L3MBTL4: variants seen among roughly 807,000 people sequenced by gnomAD.
L3MBTL4 encodes lethal(3)malignant brain tumor-like protein 4.
L3MBTL4 carries 70 observed loss-of-function variants against 84.5 expected under a neutral mutation model. That is an observed-to-expected ratio of 0.83 (90% CI 0.68 to 1.01). The LOEUF is 1.01. L3MBTL4 is among the 50% of genes least tolerant of loss of function. The pLI, the probability that L3MBTL4 is intolerant of heterozygous loss-of-function variation, is 0.00. For missense variants in L3MBTL4, 715 were observed against 754.8 expected, an observed-to-expected ratio of 0.95 and a Z score of 0.62; for synonymous variants, 274 against 259.8, an observed-to-expected ratio of 1.05 and a Z score of -0.52.
At chr18:6,337,281 C>T (rs2052386847) in intron 1 of L3MBTL4, among the ~76,000 whole-genome samples, 1 of 152,046 alleles carries the variant, frequency 6.6e-6, no homozygotes, top group African/African-American at 2.4e-5. Flanking sequence ...TAGACTCTCA[C>T]CAACATTCCT....
At chr18:6,210,294 A>T (rs1458154700) in intron 12 of L3MBTL4, among the ~76,000 whole-genome samples, 1 of 152,210 alleles carries the variant, frequency 6.6e-6, no homozygotes, top group Admixed American at 6.5e-5. Flanking sequence ...AGGACAGACA[A>T]TGTGGGCTTG....
chr18:6,382,531 C>T (rs1185378185), intron 1 of L3MBTL4, among the ~76,000 whole-genome samples: 1 of 152,052 alleles, frequency 6.6e-6, no homozygotes, highest in Non-Finnish European at 1.5e-5. Flanking sequence ...ACGTGCTATT[C>T]CTTTCTGTTT....
chr18:6,000,843 G>A (rs1011687719), intron 16 of L3MBTL4, among the ~76,000 whole-genome samples: 2 of 152,214 alleles, frequency 1.3e-5, no homozygotes, highest in Admixed American at 1.3e-4. Context: ...AAGGACAGGA[G>A]TGATGTTAGG....
intron 12 of L3MBTL4, among the ~76,000 whole-genome samples, chr18:6,177,933 T>C (rs1275375317): frequency 2.0e-5 from 3 of 152,148 alleles, no homozygotes; most frequent in Non-Finnish European, 4.4e-5. Context: ...AAGTCTGGGG[T>C]GCAATTTTTT....
rs549335270 is a variant in L3MBTL4 at position 6,042,596 on chromosome 18, G to T, written c.1444+38285C>A. On this transcript the variant is annotated intron_variant, in intron 16 of 18. Coordinates refer to ENST00000317931, the MANE Select transcript of L3MBTL4 (RefSeq NM_001330559.2). ...CCGTCCTACATGAGCCCTCAGCATTGTCCAGTACTGAGACCTCTTTTTCCT... is the reference window on the plus strand; with the variant it reads ...CCGTCCTACATGAGCCCTCAGCATTTTCCAGTACTGAGACCTCTTTTTCCT... 2.0e-4 allele frequency among the ~76,000 whole-genome samples: 31 copies of T among 152,208 alleles called. No individual in the cohort carries two copies. In the South Asian group the frequency reaches 6.0e-3, roughly 30 times the overall value.
intron 13 of L3MBTL4, among the ~76,000 whole-genome samples, chr18:6,168,904 G>A (rs1223021172): frequency 6.6e-6 from 1 of 151,842 alleles, no homozygotes; most frequent in Non-Finnish European, 1.5e-5. Context: ...CTACAGAATG[G>A]GAGAAAATTT....
chr18:6,141,820 C>A (rs59042476), intron 13 of L3MBTL4, among the ~76,000 whole-genome samples: 1 of 152,038 alleles, frequency 6.6e-6, no homozygotes, highest in African/African-American at 2.4e-5. Flanking sequence ...ATCACAGATA[C>A]AATCATATCA....
chr18:6,009,356 GA>G (rs933186022), intron 16 of L3MBTL4, among the ~76,000 whole-genome samples: 3 of 152,194 alleles, frequency 2.0e-5, no homozygotes, highest in African/African-American at 4.8e-5. Context: ...ACTGGGTGAA[GA>G]CCTGAGGGTC....
intron 1 of L3MBTL4, among the ~76,000 whole-genome samples, chr18:6,331,733 A>C (rs1183739431): frequency 6.6e-6 from 1 of 152,044 alleles, no homozygotes; most frequent in Non-Finnish European, 1.5e-5. Flanking sequence ...AAGTAAATAC[A>C]AAATCTGGAA....
intron 5 of L3MBTL4, chr18:6,260,818 T>TAA (rs2048366334): frequency 6.6e-6 from 1 of 152,226 alleles, no homozygotes; most frequent in South Asian, 2.1e-4. Context: ...AAAATGAACA[T>TAA]TAATAGTCAA....
chr18:6,071,592 C>A (rs780624078), intron 16 of L3MBTL4, among the ~76,000 whole-genome samples: 1 of 147,804 alleles, frequency 6.8e-6, no homozygotes, highest in Non-Finnish European at 1.5e-5. Context: ...GCCATAATCA[C>A]GCCACTGCTC....
At chr18:6,145,999 G>T (rs1047953233) in intron 13 of L3MBTL4, among the ~76,000 whole-genome samples, 4 of 152,246 alleles carry the variant, frequency 2.6e-5, no homozygotes, top group Non-Finnish European at 5.9e-5. Flanking sequence ...AGACGGGGAG[G>T]CAGAGAAGGA....
intron 12 of L3MBTL4, among the ~76,000 whole-genome samples, chr18:6,180,035 TA>T (rs1384655171): frequency 6.6e-6 from 1 of 152,146 alleles, no homozygotes; most frequent in East Asian, 1.9e-4. Context: ...CATAAGCCAG[TA>T]AATGGCAAAA....
intron 13 of L3MBTL4, among the ~76,000 whole-genome samples, chr18:6,169,039 A>C (rs1436619856): frequency 6.6e-6 from 1 of 152,226 alleles, no homozygotes; most frequent in Non-Finnish European, 1.5e-5. Flanking sequence ...GACACTTCTC[A>C]AAAGAAGACA....
At chr18:6,262,199 A>T (rs2048435636) in intron 5 of L3MBTL4, among the ~76,000 whole-genome samples, 1 of 152,070 alleles carries the variant, frequency 6.6e-6, no homozygotes, top group South Asian at 2.1e-4. Flanking sequence ...CTCCCCTCCC[A>T]ACCTGCAGTG....
chr18:6,248,605 C>G (rs1008809054), intron 5 of L3MBTL4, among the ~76,000 whole-genome samples: 3 of 152,192 alleles, frequency 2.0e-5, no homozygotes, highest in Non-Finnish European at 4.4e-5. Context: ...CTGGTTTATG[C>G]TTCCGAAGCT....
At chr18:6,330,877 A>G (rs890999541) in intron 1 of L3MBTL4, among the ~76,000 whole-genome samples, 2 of 152,246 alleles carry the variant, frequency 1.3e-5, no homozygotes, top group Non-Finnish European at 2.9e-5. Flanking sequence ...ACATTAAAAT[A>G]CATTTTAAAA....
intron 8 of L3MBTL4, among the ~76,000 whole-genome samples, chr18:6,240,712 T>C (rs2047415586): frequency 6.6e-6 from 1 of 152,230 alleles, no homozygotes; most frequent in South Asian, 2.1e-4. Flanking sequence ...CTTTTCTTGA[T>C]ACAAATCTAG....
intron 1 of L3MBTL4, among the ~76,000 whole-genome samples, chr18:6,320,992 A>G (rs918619680): frequency 1.3e-5 from 2 of 152,138 alleles, no homozygotes; most frequent in Non-Finnish European, 2.9e-5. Context: ...GGGCCACCCT[A>G]TTTAATAAAT....
Sources: allele counts gnomAD v4.1 joint callset (sites outside exome capture counted in the v4.1 genomes callset), GRCh38; gene constraint gnomAD v4.1.1; transcripts MANE v1.5; gene names NCBI Gene and HGNC (gene_info 2026-07-23, HGNC 2026-07-21).